PDE4D: variants seen among roughly 807,000 people sequenced by gnomAD.
PDE4D encodes the protein 3',5'-cyclic-AMP phosphodiesterase 4D.
A neutral mutation model predicts 87.4 loss-of-function variants in PDE4D; 24 were observed. The observed-to-expected ratio is 0.27, with a 90% CI of 0.20 to 0.39. The LOEUF (loss-of-function observed/expected upper bound fraction) is 0.39, where lower values mean the gene tolerates loss of function less well. PDE4D is among the 10% of genes least tolerant of loss of function. The pLI is 1.00. For missense variants in PDE4D, 714 were observed against 1,041.0 expected, an observed-to-expected ratio of 0.69 and a Z score of 4.32; for synonymous variants, 384 against 383.2, an observed-to-expected ratio of 1.00 and a Z score of -0.02.
chr5:59,901,404 A>AT (rs1279620609), intron 3 of PDE4D, among the ~76,000 whole-genome samples: 2 of 152,166 alleles, frequency 1.3e-5, no homozygotes, highest in South Asian at 4.1e-4. Context: ...GCAAGGAAGG[A>AT]TTTTTTTAAA....
chr5:60,388,265 A>G (rs1762329653), intron 1 of PDE4D, among the ~76,000 whole-genome samples: 1 of 151,942 alleles, frequency 6.6e-6, no homozygotes, highest in Non-Finnish European at 1.5e-5. Context: ...CATGATCTAA[A>G]CCCATCAATG....
At chr5:60,387,554 C>T (rs578139861) in intron 1 of PDE4D, among the ~76,000 whole-genome samples, 3 of 152,322 alleles carry the variant, frequency 2.0e-5, no homozygotes, top group Non-Finnish European at 2.9e-5. Flanking sequence ...GCAGAGATGC[C>T]TGTACTGACC....
chr5:60,017,970 C>T (rs1387560982), intron 2 of PDE4D, among the ~76,000 whole-genome samples: 1 of 152,094 alleles, frequency 6.6e-6, no homozygotes, highest in Non-Finnish European at 1.5e-5. Flanking sequence ...TGTTTCTTGA[C>T]CTTTTAATAA....
At chr5:59,350,384 C>T (rs1582102523) in intron 1 of PDE4D, among the ~76,000 whole-genome samples, 1 of 152,086 alleles carries the variant, frequency 6.6e-6, no homozygotes, top group Non-Finnish European at 1.5e-5. Context: ...CTGACCAGGC[C>T]GCTATCAAGT....
intron 1 of PDE4D, among the ~76,000 whole-genome samples, chr5:59,423,994 G>T (rs1794852812): frequency 6.6e-6 from 1 of 152,180 alleles, no homozygotes; most frequent in African/African-American, 2.4e-5. Flanking sequence ...GACCCAAGAT[G>T]GTAGCAGTGG....
chr5:59,218,879 T>G (rs1390805180), intron 1 of PDE4D, among the ~76,000 whole-genome samples: 2 of 151,808 alleles, frequency 1.3e-5, no homozygotes, highest in Non-Finnish European at 2.9e-5. Flanking sequence ...AAATGATGAG[T>G]TCATGTCCTT....
chr5:59,342,215 G>A (rs962352324), intron 1 of PDE4D, among the ~76,000 whole-genome samples: 9 of 152,120 alleles, frequency 5.9e-5, no homozygotes, highest in African/African-American at 1.9e-4. Context: ...AGGTCTTAAC[G>A]GAAAGGAACT....
At chr5:60,444,479 C>T (rs185428489) in intron 1 of PDE4D, among the ~76,000 whole-genome samples, 20 of 152,042 alleles carry the variant, frequency 1.3e-4, no homozygotes, top group Admixed American at 2.0e-4. Flanking sequence ...AGAAGAGTCA[C>T]GGTAAAATAC....
chr5:59,930,023 A>G (rs1229040659), intron 3 of PDE4D, among the ~76,000 whole-genome samples: 2 of 152,084 alleles, frequency 1.3e-5, no homozygotes, highest in Admixed American at 1.3e-4. Context: ...TGGATTAAAA[A>G]TCGGCCCCAT....
At chr5:60,324,783 A>G (rs1408151038) in intron 1 of PDE4D, among the ~76,000 whole-genome samples, 1 of 152,356 alleles carries the variant, frequency 6.6e-6, no homozygotes, top group East Asian at 1.9e-4. Context: ...TGGAGGTGAT[A>G]ATACCTACGC....
chr5:60,050,193 G>A (rs896139602), intron 2 of PDE4D, among the ~76,000 whole-genome samples: 4 of 152,038 alleles, frequency 2.6e-5, no homozygotes, highest in Non-Finnish European at 5.9e-5. Context: ...TGTGCTTCCC[G>A]AGTGAGGCAA....
At chr5:59,292,041 G>T (rs1420360057) in intron 1 of PDE4D, among the ~76,000 whole-genome samples, 1 of 151,876 alleles carries the variant, frequency 6.6e-6, no homozygotes, top group African/African-American at 2.4e-5. Flanking sequence ...AAAATGGAAG[G>T]CAAATAAGCA....
At chr5:60,337,351 C>CAACA (rs1491477498) in intron 1 of PDE4D, among the ~76,000 whole-genome samples, 1 of 62,230 alleles carries the variant, frequency 1.6e-5, no homozygotes, top group Non-Finnish European at 3.3e-5. Flanking sequence ...AACAAACAAA[C>CAACA]TATATATATA....
intron 1 of PDE4D, among the ~76,000 whole-genome samples, chr5:59,312,281 T>G (rs1772839065): frequency 6.6e-6 from 1 of 152,202 alleles, no homozygotes; most frequent in Admixed American, 6.5e-5. Context: ...AGGACATAAA[T>G]GTACTCCTGG....
chr5:59,550,644 T>C (rs950124207), intron 1 of PDE4D, among the ~76,000 whole-genome samples: 10 of 152,256 alleles, frequency 6.6e-5, no homozygotes, highest in South Asian at 2.1e-4. Context: ...GTGTTTCTTA[T>C]GGATTGTGTT....
intron 5 of PDE4D, 189 bp from the exon 6 acceptor site, chr5:59,039,160 C>T: frequency 7.4e-7 from 1 of 1,347,388 alleles, no homozygotes; most frequent in Non-Finnish European, 9.5e-7. Flanking sequence ...GCGGGGCGGC[C>T]GGCCTCGGGG....
intron 5 of PDE4D, among the ~76,000 whole-genome samples, chr5:59,111,966 T>A (rs1295792842): frequency 6.6e-6 from 1 of 152,198 alleles, no homozygotes; most frequent in Non-Finnish European, 1.5e-5. Flanking sequence ...AGGAGAGAGA[T>A]AATAAACAAT....
intron 1 of PDE4D, among the ~76,000 whole-genome samples, chr5:60,293,092 G>GC (rs1041503263): frequency 6.2e-5 from 9 of 146,268 alleles, no homozygotes; most frequent in African/African-American, 1.3e-4. Context: ...TGAAACCTCT[G>GC]CCCCCCCAAG....
chr5:59,056,480 C>T (rs1470214009), intron 5 of PDE4D, among the ~76,000 whole-genome samples: 1 of 151,974 alleles, frequency 6.6e-6, no homozygotes, highest in Non-Finnish European at 1.5e-5. Context: ...ATGTGCAGAA[C>T]GTGCAGGTTT....
Sources: allele counts gnomAD v4.1 joint callset (sites outside exome capture counted in the v4.1 genomes callset), GRCh38; gene constraint gnomAD v4.1.1; transcripts MANE v1.5; gene names NCBI Gene and HGNC (gene_info 2026-07-23, HGNC 2026-07-21).